CCDC150: variants seen among roughly 807,000 people sequenced by gnomAD.
CCDC150 encodes coiled-coil domain-containing protein 150.
A neutral mutation model predicts 156.5 loss-of-function variants in CCDC150; 151 were observed. That is an observed-to-expected ratio of 0.97 (90% CI 0.85 to 1.10). The LOEUF (loss-of-function observed/expected upper bound fraction) is 1.10. Ranked by LOEUF, CCDC150 falls within the 50% of genes least tolerant of loss-of-function variation. CCDC150 has a pLI of 0.00. For synonymous variants in CCDC150, 452 were observed against 429.4 expected, an observed-to-expected ratio of 1.05 and a Z score of -0.65; for missense variants, 1,312 against 1,268.1, an observed-to-expected ratio of 1.03 and a Z score of -0.53.
chr2:196,684,239 T>C (rs1271180169), intron 13 of CCDC150, among the ~76,000 whole-genome samples: 6 of 152,134 alleles, frequency 3.9e-5, no homozygotes, highest in African/African-American at 1.4e-4. Context: ...AGATGTTTTG[T>C]TATTTTGTGT....
At chr2:196,698,834 TC>T (rs1695988462) in intron 14 of CCDC150, among the ~76,000 whole-genome samples, 1 of 152,034 alleles carries the variant, frequency 6.6e-6, no homozygotes, top group Admixed American at 6.6e-5. Flanking sequence ...ATGCTATCCC[TC>T]CCCCCTCTCC....
intron 21 of CCDC150, among the ~76,000 whole-genome samples, chr2:196,722,832 A>C: frequency 6.6e-6 from 1 of 152,152 alleles, no homozygotes; most frequent in South Asian, 2.1e-4. Context: ...TTAGGTGACT[A>C]TAAAATGTAG....
intron 26 of CCDC150, 138 bp from the exon 27 acceptor site, chr2:196,731,895 T>C: frequency 1.4e-6 from 1 of 692,438 alleles, no homozygotes; most frequent in Non-Finnish European, 2.4e-6. Flanking sequence ...TTAAGTATAT[T>C]ATGCAAATAG....
At chr2:196,664,677 G>C (rs775695068) in intron 5 of CCDC150, among the ~76,000 whole-genome samples, 1 of 152,054 alleles carries the variant, frequency 6.6e-6, no homozygotes, top group Non-Finnish European at 1.5e-5. Context: ...TTCTCCCCTC[G>C]TTAGAGGTTG....
intron 9 of CCDC150, 134 bp downstream of exon 9, chr2:196,672,571 T>G: frequency 4.1e-6 from 2 of 490,700 alleles, no homozygotes; most frequent in Non-Finnish European, 7.2e-6. Context: ...TCCATAAGAT[T>G]TATTTCATCT....
chr2:196,700,399 C>T lies in CCDC150; in HGVS notation c.1624-710C>T, dbSNP rs1039748935. On this transcript the variant is annotated intron_variant, in intron 14 of 27. Coordinates refer to ENST00000389175, the MANE Select transcript of CCDC150 (RefSeq NM_001080539.2). Reference sequence around the variant, plus strand: ...CATTGATTGTGGAGAGTGAAAAGTCCATGTTCAATCACTTAATGGTGCCCC... The same window carrying T: ...CATTGATTGTGGAGAGTGAAAAGTCTATGTTCAATCACTTAATGGTGCCCC... Among the ~76,000 whole-genome samples, 7 of 152,102 alleles carry T rather than the reference C, an allele frequency of 4.6e-5. No individual in the cohort carries two copies. In the South Asian group the frequency reaches 1.5e-3, roughly 32 times the overall value.
At position 196,729,082 on chromosome 2, in the gene CCDC150, ACTCT is replaced by A. The variant is rs1698387195; in HGVS notation, c.2557-109_2557-106del. The stretch of plus-strand genomic sequence containing the variant: ...ATCAGACATTATTATTGCCTCACTA[ACTCT>A]CCTTTTTAAAAGAAGATCCAAAGAT... On this transcript the variant is annotated intron_variant, in intron 22 of 27. Coordinates refer to ENST00000389175, the MANE Select transcript of CCDC150 (RefSeq NM_001080539.2). 7 of 960,504 alleles carry A rather than the reference ACTCT, an allele frequency of 7.3e-6. No homozygotes were observed. In the South Asian group the frequency reaches 1.3e-4, roughly 17 times the overall value. The allele number at this position is 960,504 out of a possible 1,614,324, so 59.5% of individuals were successfully genotyped here.
intron 10 of CCDC150, among the ~76,000 whole-genome samples, chr2:196,675,310 A>G (rs570263725): frequency 1.2e-4 from 18 of 152,278 alleles, no homozygotes; most frequent in Admixed American, 4.6e-4. Context: ...GGTGAACAAG[A>G]CAAAATTCCT....
chr2:196,676,830 G>T, intron 12 of CCDC150, 99 bp downstream of exon 12: 1 of 1,122,300 alleles, frequency 8.9e-7, no homozygotes, highest in Middle Eastern at 2.5e-4. Flanking sequence ...ATAAAACCCA[G>T]ATGCAGTTTG....
intron 14 of CCDC150, among the ~76,000 whole-genome samples, chr2:196,696,133 G>A (rs894899882): frequency 1.7e-4 from 26 of 152,140 alleles, no homozygotes; most frequent in Admixed American, 1.5e-3. Context: ...GTGACCTCGG[G>A]TATGATCCTT....
rs768438109 is a variant in CCDC150 at position 196,719,589 on chromosome 2, G to A, written c.2088G>A (p.Lys696=). Residue 696 remains lysine, a synonymous_variant, in exon 19 of 28, where the codon AAG becomes AAA. Transcript: ENST00000389175. The part of the protein sequence containing the change: ...MLENVLASHS[K]MQGALEKVQI... ...AGAATGTGCTGGCTTCTCACAGTAAGATGCAAGGTGCTCTGGAGAAAGTAC... is the reference window on the plus strand; with the variant it reads ...AGAATGTGCTGGCTTCTCACAGTAAAATGCAAGGTGCTCTGGAGAAAGTAC... 1 of 1,613,584 alleles carries A rather than the reference G, an allele frequency of 6.2e-7. No homozygotes were observed. The highest frequency in any genetic ancestry group is 1.1e-5 in the South Asian group (1 of 90,950).
Position 196,657,113 on chromosome 2 carries a change from C to G in CCDC150, c.553C>G (p.Leu185Val). Residue 185 changes from leucine to valine, a missense_variant, in exon 4 of 28, where the codon CTG (leucine) becomes GTG (valine). By Grantham distance (32) the Leu-to-Val change is conservative. Coordinates refer to ENST00000389175, the MANE Select transcript of CCDC150 (RefSeq NM_001080539.2). ...TGAGGTGCAAAGGTTGACTGCCACT[C>G]TGAAGATTGCCTCGCAGACAAAGGT... ...QDEVQRLTAT[L>V]KIASQTKKNA... 1 of 1,613,742 alleles carries G rather than the reference C, an allele frequency of 6.2e-7. No homozygotes were observed. The highest frequency in any genetic ancestry group is 8.5e-7 in the Non-Finnish European group (1 of 1,179,720).
intron 2 of CCDC150, among the ~76,000 whole-genome samples, chr2:196,653,948 C>A (rs1334973757): frequency 6.6e-6 from 1 of 152,110 alleles, no homozygotes; most frequent in African/African-American, 2.4e-5. Context: ...AGCTTACAAT[C>A]CTGGTGGAAG....
intron 13 of CCDC150, among the ~76,000 whole-genome samples, chr2:196,694,455 A>G (rs1210603190): frequency 1.3e-5 from 2 of 152,186 alleles, no homozygotes; most frequent in South Asian, 2.1e-4. Context: ...AATTTACGAT[A>G]TCCCTTTTGC....
At chr2:196,672,209 T>C (rs1694244430) in intron 8 of CCDC150, 136 bp from the exon 9 acceptor site, 3 of 429,584 alleles carry the variant, frequency 7.0e-6, no homozygotes, top group East Asian at 7.3e-5. Context: ...ACATTCTTTA[T>C]AAGACATTTA....
chr2:196,732,594 G>A lies in CCDC150; in HGVS notation c.*32G>A, dbSNP rs1283602580. 7.2e-7 allele frequency: 1 copy of A among 1,397,410 alleles called. No homozygotes were observed. Among genetic ancestry groups the A allele is most frequent in the East Asian group, 2.3e-5 (1 of 43,802 alleles). 86.6% of individuals were successfully genotyped at this position (1,397,410 alleles called of 1,614,324 possible). ...TGACAAGGGAGCTTCTTTATGTGTA[G>A]CTACACTCCATGATTCCAAGAGCCC... On this transcript the variant is annotated 3_prime_UTR_variant, in exon 28 of 28. Transcript: ENST00000389175.
At position 196,646,451 on chromosome 2, in the gene CCDC150, A is replaced by G. The variant is rs374839443; in HGVS notation, c.123A>G (p.Glu41=). ...VLQQRMRIVE[E]QTSSLRDDLI... ...AGCAAAGGATGAGAATAGTTGAGGA[A>G]CAGACCAGTTCACTGAGGGATGACC... is the stretch of plus-strand genomic sequence containing the variant. Residue 41 remains glutamate, a synonymous_variant, in exon 2 of 28, where the codon GAA becomes GAG. Coordinates refer to ENST00000389175, the MANE Select transcript of CCDC150 (RefSeq NM_001080539.2). 8 of 1,613,756 alleles carry G rather than the reference A, an allele frequency of 5.0e-6. No individual in the cohort carries two copies. Among genetic ancestry groups the G allele is most frequent in the Non-Finnish European group, 6.8e-6 (8 of 1,179,750 alleles).
At chr2:196,711,987 T>C (rs564201358) in intron 15 of CCDC150, among the ~76,000 whole-genome samples, 158 bp from the exon 16 acceptor site, 46 of 151,956 alleles carry the variant, frequency 3.0e-4, no homozygotes, top group Admixed American at 1.3e-4. Flanking sequence ...TTAGGATTGC[T>C]TTTTGCAAGT....
chr2:196,674,669 C>T (rs966585121), intron 10 of CCDC150, among the ~76,000 whole-genome samples: 2 of 152,028 alleles, frequency 1.3e-5, no homozygotes, highest in Non-Finnish European at 2.9e-5. Context: ...CCGATTTCTC[C>T]TTTTGCTTAT....
Sources: allele counts gnomAD v4.1 joint callset (sites outside exome capture counted in the v4.1 genomes callset), GRCh38; gene constraint gnomAD v4.1.1; transcripts MANE v1.5; gene names NCBI Gene and HGNC (gene_info 2026-07-23, HGNC 2026-07-21).